The following MIX23 variants were observed in gnomAD, a reference collection of about 807,000 sequenced individuals.
MIX23 encodes protein MIX23.
MIX23 carries 13 observed loss-of-function variants against 21.6 expected under a neutral mutation model. That is an observed-to-expected ratio of 0.60 (90% CI 0.39 to 0.96). The LOEUF is 0.96. Ranked by LOEUF, MIX23 falls within the 40% of genes least tolerant of loss-of-function variation. The pLI is 0.00. For synonymous variants in MIX23, 59 were observed against 58.0 expected, an observed-to-expected ratio of 1.02 and a Z score of -0.08; for missense variants, 144 against 171.2, an observed-to-expected ratio of 0.84 and a Z score of 0.89.
At chr3:122,368,646 T>C (rs369259851) in intron 2 of MIX23, among the ~76,000 whole-genome samples, 1 of 152,184 alleles carries the variant, frequency 6.6e-6, no homozygotes, top group Non-Finnish European at 1.5e-5. Flanking sequence ...CACCACTGAC[T>C]TTCCCCATGA....
Position 122,359,900 on chromosome 3 carries a change from C to A in MIX23, c.404G>T (p.Arg135Leu). Residue 135 changes from arginine (R) to leucine (L), a missense_variant, in exon 5 of 5, where the codon CGA becomes CTA. By Grantham distance (102) the Arg-to-Leu change is moderately radical. Transcript: ENST00000291458. ...ATTCTTTGGAGGCTTGAAGTGAATT[C>A]GGCAGCGTTCATTAAACACCTAAAA... ...RSWKVFNERC[R>L]IHFKPPKNE The A allele has an allele frequency of 1.3e-6, 2 of 1,505,444 alleles. No individual in the cohort carries two copies. Among genetic ancestry groups the A allele is most frequent in the Non-Finnish European group, 1.8e-6 (2 of 1,123,042 alleles). The allele number at this position is 1,505,444 out of a possible 1,614,324, so 93.3% of individuals were successfully genotyped here.
intron 1 of MIX23, among the ~76,000 whole-genome samples, chr3:122,381,675 G>A (rs1576242000): frequency 6.7e-6 from 1 of 150,010 alleles, no homozygotes; most frequent in South Asian, 2.1e-4. Flanking sequence ...CCAAGATTGT[G>A]CCACTGCACT....
Position 122,359,858 on chromosome 3 carries a change from A to G in MIX23, c.*11T>C, listed in dbSNP as rs13096094. Reference sequence around the variant, plus strand: ...AAAAAAAAAAAAAAAAAAAAAAAAAAGAATCTCTCTTTATTCATTCTTTGG... The same window carrying G: ...AAAAAAAAAAAAAAAAAAAAAAAAAGGAATCTCTCTTTATTCATTCTTTGG... On this transcript the variant is annotated 3_prime_UTR_variant, in exon 5 of 5. Transcript: ENST00000291458. 1 of 1,411,784 alleles carries G rather than the reference A, an allele frequency of 7.1e-7. No homozygotes were observed. The highest frequency in any genetic ancestry group is 9.4e-7 in the Non-Finnish European group (1 of 1,061,704). 87.5% of individuals were successfully genotyped at this position (1,411,784 alleles called of 1,614,324 possible).
intron 4 of MIX23, among the ~76,000 whole-genome samples, chr3:122,362,670 C>G (rs2075366320): frequency 6.6e-6 from 1 of 151,966 alleles, no homozygotes; most frequent in African/African-American, 2.4e-5. Flanking sequence ...AGACACCTGA[C>G]TTCAGGTGAC....
chr3:122,359,747 G>C lies in MIX23; in HGVS notation c.*122C>G. 1.0e-6 allele frequency: 1 copy of C among 993,912 alleles called. No individual in the cohort carries two copies. The highest frequency in any genetic ancestry group is 1.4e-6 in the Non-Finnish European group (1 of 732,694). The allele number at this position is 993,912 out of a possible 1,614,324, so 61.6% of individuals were successfully genotyped here. On this transcript the variant is annotated 3_prime_UTR_variant, in exon 5 of 5. Coordinates refer to ENST00000291458, the MANE Select transcript of MIX23 (RefSeq NM_001017928.4). ...GGGGCTGAAATCAACAAAAGGTCTT[G>C]GACTGTTGGCTCAGAAATCATCCTA...
Position 122,372,488 on chromosome 3 carries a change from G to GAAC in MIX23, c.52-691_52-689dup, listed in dbSNP as rs912845080. Among the ~76,000 whole-genome samples the GAAC allele has an allele frequency of 2.6e-5, 4 of 151,866 alleles. No individual in the cohort carries two copies. In the South Asian group the frequency reaches 6.3e-4, roughly 24 times the overall value. ...TTACAAAATATTCAAACAAGAACAA[G>GAAC]AACAACAACAACAACAACAAAACAC... On this transcript the variant is annotated intron_variant, in intron 1 of 4. Coordinates refer to ENST00000291458, the MANE Select transcript of MIX23 (RefSeq NM_001017928.4).
At chr3:122,371,425 A>G (rs1209552955) in intron 2 of MIX23, among the ~76,000 whole-genome samples, 1 of 152,238 alleles carries the variant, frequency 6.6e-6, no homozygotes, top group African/African-American at 2.4e-5. Context: ...CCTTAAGTTA[A>G]AGGCTACAAA....
At chr3:122,372,802 GCCTGGGCAATAGTAAGAC>G (rs1259786808) in intron 1 of MIX23, among the ~76,000 whole-genome samples, 1 of 152,042 alleles carries the variant, frequency 6.6e-6, no homozygotes, top group Admixed American at 6.6e-5. Context: ...CTGTACTCCT[GCCTGGGCAATAGTAAGAC>G]CCTGTCTCTT....
chr3:122,363,522 T>A (rs575646298), intron 3 of MIX23, among the ~76,000 whole-genome samples: 1 of 151,860 alleles, frequency 6.6e-6, no homozygotes, highest in Admixed American at 6.5e-5. Flanking sequence ...AAATGTACAT[T>A]CTCATGTCCT....
At chr3:122,365,640 A>G (rs889773385) in intron 3 of MIX23, 57 of 152,330 alleles carry the variant, frequency 3.7e-4, no homozygotes, top group African/African-American at 1.3e-3. Flanking sequence ...GGCCCTAAAG[A>G]CACAAGGGCA....
intron 1 of MIX23, among the ~76,000 whole-genome samples, chr3:122,378,442 A>G (rs900859804): frequency 2.0e-5 from 3 of 152,248 alleles, no homozygotes; most frequent in African/African-American, 7.2e-5. Flanking sequence ...GCTTAATGAC[A>G]AGGAAACATT....
chr3:122,373,202 T>G (rs2075455977), intron 1 of MIX23, among the ~76,000 whole-genome samples: 1 of 152,112 alleles, frequency 6.6e-6, no homozygotes, highest in Non-Finnish European at 1.5e-5. Context: ...TGAGGTACTA[T>G]GTAACATTTT....
intron 1 of MIX23, among the ~76,000 whole-genome samples, chr3:122,380,903 A>C (rs1454598711): frequency 2.0e-5 from 3 of 152,126 alleles, no homozygotes; most frequent in African/African-American, 7.2e-5. Flanking sequence ...AATCTTCCTA[A>C]AGCACCTCTT....
intron 2 of MIX23, among the ~76,000 whole-genome samples, chr3:122,369,212 T>C (rs1465584175): frequency 6.6e-6 from 1 of 152,192 alleles, no homozygotes; most frequent in Non-Finnish European, 1.5e-5. Flanking sequence ...GCTAGAAAAA[T>C]GTCATAGATT....
intron 2 of MIX23, among the ~76,000 whole-genome samples, chr3:122,370,456 C>CAAAAAA (rs10660235): frequency 1.7e-4 from 8 of 48,264 alleles, no homozygotes; most frequent in Non-Finnish European, 2.1e-4. Flanking sequence ...GACACTGTCT[C>CAAAAAA]AAAAAAAAAA....
chr3:122,380,319 C>CT (rs992738835), intron 1 of MIX23, among the ~76,000 whole-genome samples: 2 of 152,128 alleles, frequency 1.3e-5, no homozygotes, highest in Non-Finnish European at 2.9e-5. Context: ...TCCTCAAACT[C>CT]TATTTTTACA....
chr3:122,383,003 C>T (rs1002481430), intron 1 of MIX23, 171 bp downstream of exon 1: 58 of 776,352 alleles, frequency 7.5e-5, no homozygotes, highest in Non-Finnish European at 1.1e-4. Flanking sequence ...TACAGAGCAG[C>T]CTCGCTCCCT....
chr3:122,371,748 T>G lies in MIX23; in HGVS notation c.104A>C (p.Asn35Thr). Residue 35 changes from asparagine to threonine, a missense_variant, in exon 2 of 5, where the codon AAC (asparagine) becomes ACC (threonine). Asn to Thr is a moderately conservative substitution (Grantham distance 65). Coordinates refer to ENST00000291458, the MANE Select transcript of MIX23 (RefSeq NM_001017928.4). ...TIDDRIVHEL[N>T]TTVPTASFAG... ...AAAGGAAGCTGTTGGAACCGTAGTG[T>G]TTAATTCATGTACTATTCTGTCATC... is the stretch of plus-strand genomic sequence containing the variant. The G allele has an allele frequency of 6.2e-7, 1 of 1,611,062 alleles. No individual in the cohort carries two copies. The highest frequency in any genetic ancestry group is 8.5e-7 in the Non-Finnish European group (1 of 1,177,558).
In MIX23 at chr3:122,371,774, A is replaced by C. The variant is rs761831101; in HGVS notation, c.78T>G (p.Ile26Met). ...FQELLKVMRT[I>M]DDRIVHELNT... The stretch of plus-strand genomic sequence containing the variant: ...TTAATTCATGTACTATTCTGTCATC[A>C]ATTGTCCTCATCACCTTGAGTAATT... The change falls in exon 2 of 5, where the codon ATT becomes ATG. Residue 26 changes from isoleucine (I) to methionine (M), a missense_variant. Coordinates refer to ENST00000291458, the MANE Select transcript of MIX23 (RefSeq NM_001017928.4). 6.2e-7 allele frequency: 1 copy of C among 1,605,562 alleles called. No individual in the cohort carries two copies. Among genetic ancestry groups the C allele is most frequent in the South Asian group, 1.1e-5 (1 of 90,896 alleles).
Sources: allele counts gnomAD v4.1 joint callset (sites outside exome capture counted in the v4.1 genomes callset), GRCh38; gene constraint gnomAD v4.1.1; transcripts MANE v1.5; gene names NCBI Gene and HGNC (gene_info 2026-07-23, HGNC 2026-07-21).